The following SHOX variants were observed in gnomAD, a reference collection of about 807,000 sequenced individuals.
SHOX encodes the protein SHOX homeobox, also known as short stature homeobox protein.
A neutral mutation model predicts 29.6 loss-of-function variants in SHOX; 12 were observed. The ratio of observed to expected loss-of-function variants is 0.41; its 90% CI spans 0.26 to 0.66. SHOX has a LOEUF of 0.66. Ranked by LOEUF, SHOX falls within the 30% of genes least tolerant of loss-of-function variation. The probability of loss-of-function intolerance (pLI) is 0.35; values close to 1 mark genes in which losing one functional copy is unlikely to be tolerated. For synonymous variants in SHOX, 214 were observed against 200.6 expected, an observed-to-expected ratio of 1.07 and a Z score of -0.57; for missense variants, 499 against 437.7, an observed-to-expected ratio of 1.14 and a Z score of -1.25.
At chrX:625,554 C>T (rs767087859) in intron 1 of SHOX, among the ~76,000 whole-genome samples, 12 of 149,682 alleles carry the variant, frequency 8.0e-5, no homozygotes, top group South Asian at 2.1e-4. Context: ...TTTCTCTCCT[C>T]TGTCTCTCTG....
upstream of SHOX, chrX:630,540 G>A (rs1199782700): frequency 1.4e-5 from 6 of 417,862 alleles, no homozygotes; most frequent in Admixed American, 4.0e-5. Flanking sequence ...GGGCGCCTGC[G>A]CCCCCCTCCT....
At chrX:626,453 CT>C (rs1162788391), upstream of SHOX, among the ~76,000 whole-genome samples, 1 of 130,590 alleles carries the variant, frequency 7.7e-6, no homozygotes, top group Non-Finnish European at 1.6e-5. Flanking sequence ...TTTTCTCTTT[CT>C]CTGTATCTCT....
upstream of SHOX, among the ~76,000 whole-genome samples, chrX:627,772 A>G (rs1569492503): frequency 6.6e-6 from 1 of 152,154 alleles, no homozygotes; most frequent in Non-Finnish European, 1.5e-5. Context: ...ATTGCGGCCC[A>G]AGAAGGAACC....
rs776271081 is a variant in SHOX, at chrX:649,405, G to A, written c.*4769G>A. Among the ~76,000 whole-genome samples the A allele has an allele frequency of 5.3e-5, 8 of 152,302 alleles. No individual in the cohort carries two copies. The highest frequency in any genetic ancestry group is 4.1e-4 in the South Asian group (2 of 4,826). On this transcript the variant is annotated 3_prime_UTR_variant, in exon 5 of 5. Transcript: ENST00000686671. ...TGGGGACCCTCTGTATGTGATGTGC[G>A]TGGGTTTGGTTTCCCGGAAGGCCCT...
chrX:651,594 T>TAAAA (rs754859715), downstream of SHOX: 3,456 of 163,792 alleles, frequency 0.021, 50 homozygotes, highest in Middle Eastern at 0.056. Context: ...ATTCAAGTGT[T>TAAAA]AAAAAAAAAA....
rs1424280424 is a variant in SHOX at position 651,345 on chromosome X, C to A, written c.*6709C>A. 1 of 455,274 alleles carries A rather than the reference C, an allele frequency of 2.2e-6. No individual in the cohort carries two copies. The highest frequency in any genetic ancestry group is 2.0e-5 in the African/African-American group (1 of 49,828). The allele number at this position is 455,274 out of a possible 1,614,324, so 28.2% of individuals were successfully genotyped here. ...CACCGTTTCCCAAACCAACAGTCTT[C>A]ACATTTCTATCCCTCTGTTATTGTC... On this transcript the variant is annotated 3_prime_UTR_variant, in exon 5 of 5. Coordinates refer to ENST00000686671, the MANE Select transcript of SHOX (RefSeq NM_000451.4).
chrX:624,862 T>TTTTCTTTCTTTCTTTTCTTTCTTTCTTTC (rs1556451610), intron 1 of SHOX, among the ~76,000 whole-genome samples: 15 of 76,808 alleles, frequency 2.0e-4, no homozygotes, highest in Non-Finnish European at 3.5e-4. Flanking sequence ...TCTTTCTTTC[T>TTTTCTTTCTTTCTTTTCTTTCTTTCTTTC]TTTCTTTCTT....
intron 1 of SHOX, among the ~76,000 whole-genome samples, chrX:624,865 T>G (rs184229435): frequency 2.4e-5 from 2 of 84,208 alleles, no homozygotes; most frequent in Non-Finnish European, 4.4e-5. Flanking sequence ...TTCTTTCTTT[T>G]CTTTCTTTCT....
At chrX:625,434 C>A (rs1223978745) in intron 1 of SHOX, among the ~76,000 whole-genome samples, 2 of 152,042 alleles carry the variant, frequency 1.3e-5, no homozygotes, top group South Asian at 4.2e-4. Flanking sequence ...CTCTTCTCAT[C>A]GGCTTGGTGT....
upstream of SHOX, among the ~76,000 whole-genome samples, chrX:629,317 ATC>A (rs1251106956): frequency 4.2e-5 from 3 of 72,162 alleles, no homozygotes; most frequent in East Asian, 3.7e-4. Context: ...CTCTGTCTCC[ATC>A]TCTCTCTGTC....
intron 2 of SHOX, among the ~76,000 whole-genome samples, chrX:636,965 TATATA>T (rs1013818132): frequency 7.0e-6 from 1 of 143,128 alleles, no homozygotes; most frequent in Admixed American, 7.1e-5. Context: ...TATATATATA[TATATA>T]TTTTGGCTCC....
chrX:654,985 GC>G (rs1008229962), downstream of SHOX, among the ~76,000 whole-genome samples: 54 of 151,946 alleles, frequency 3.6e-4, 1 homozygote, highest in Non-Finnish European at 8.8e-5. Context: ...ACCGCGCCTG[GC>G]CCAGGAGGAT....
At chrX:635,250 G>A (rs771556095) in intron 2 of SHOX, among the ~76,000 whole-genome samples, 11 of 152,106 alleles carry the variant, frequency 7.2e-5, no homozygotes, top group Admixed American at 3.9e-4. Context: ...ATTATACTTA[G>A]GAGACGAAGC....
intron 2 of SHOX, among the ~76,000 whole-genome samples, chrX:636,075 G>C (rs1476108417): frequency 6.6e-6 from 1 of 151,502 alleles, no homozygotes; most frequent in Admixed American, 6.6e-5. Flanking sequence ...GCTGAGCAGA[G>C]GAAGATACAG....
chrX:653,502 C>T (rs1344478610), downstream of SHOX, among the ~76,000 whole-genome samples: 3 of 152,114 alleles, frequency 2.0e-5, no homozygotes, highest in Non-Finnish European at 4.4e-5. Context: ...TCCTGGATAT[C>T]GCTTCCAGAT....
chrX:655,604 CTCTCTCTCTCTATATATATATA>C (rs1485991737), downstream of SHOX, among the ~76,000 whole-genome samples: 634 of 37,706 alleles, frequency 0.017, no homozygotes, highest in African/African-American at 0.021. Context: ...CTCTCTCTCT[CTCTCTCTCTCTATATATATATA>C]TATATATATA....
chrX:655,612 CTCTATA>C (rs2053134807), downstream of SHOX, among the ~76,000 whole-genome samples: 7 of 15,690 alleles, frequency 4.5e-4, no homozygotes, highest in East Asian at 2.0e-3. Flanking sequence ...CTCTCTCTCT[CTCTATA>C]TATATATATA....
chrX:628,241 C>T (rs1168816567), upstream of SHOX, among the ~76,000 whole-genome samples: 4 of 127,150 alleles, frequency 3.1e-5, no homozygotes, highest in Admixed American at 2.4e-4. Context: ...CTCTCTCCAT[C>T]TCCCAGTCTC....
rs147849777 is a variant in SHOX, at chrX:641,236, G to A, written c.633+149G>A. ...CCCTTAGAAAAAAAGCCTCTTTTCC[G>A]AGGAGGCATTTACAGGCACCTTGGC... On this transcript the variant is annotated intron_variant, in intron 4 of 4. Transcript: ENST00000686671. 4,160 of 830,934 alleles carry A rather than the reference G, an allele frequency of 5.0e-3. 132 individuals are homozygous for A. The African/African-American group carries it at 0.063, about 13-fold the overall frequency. 51.5% of individuals were successfully genotyped at this position (830,934 alleles called of 1,614,324 possible). A position where few individuals can be genotyped will look rare whatever the true frequency, so the allele number is the denominator to read the frequency against.
Sources: allele counts gnomAD v4.1 joint callset (sites outside exome capture counted in the v4.1 genomes callset), GRCh38; gene constraint gnomAD v4.1.1; transcripts MANE v1.5; gene names NCBI Gene and HGNC (gene_info 2026-07-23, HGNC 2026-07-21).